Variants in TIPIN observed in about 807,000 individuals in gnomAD.
TIPIN encodes TIMELESS-interacting protein.
A neutral mutation model predicts 35.6 loss-of-function variants in TIPIN; 29 were observed. The ratio of observed to expected loss-of-function variants is 0.82; its 90% CI spans 0.61 to 1.11. TIPIN has a LOEUF of 1.11. Ranked by LOEUF, TIPIN falls within the 50% of genes most tolerant of loss-of-function variation. The pLI, the probability that TIPIN is intolerant of heterozygous loss-of-function variation, is 0.00. For synonymous variants in TIPIN, 102 were observed against 121.5 expected (o/e 0.84, Z 1.06); for missense variants, 296 against 345.4 (o/e 0.86, Z 1.13).
intron 1 of TIPIN, among the ~76,000 whole-genome samples, chr15:66,385,210 C>G (rs1434320251): frequency 6.6e-6 from 1 of 152,206 alleles, no homozygotes; most frequent in Non-Finnish European, 1.5e-5. Flanking sequence ...GACTGCCTCC[C>G]AGGTGTTCAA....
At chr15:66,352,038 A>C (rs902483705) in intron 3 of TIPIN, 91 bp downstream of exon 3, 1 of 1,115,474 alleles carries the variant, frequency 9.0e-7, no homozygotes, top group Admixed American at 2.9e-5. Flanking sequence ...AGAGCTCCAC[A>C]TCATACCAAC....
Position 66,349,087 on chromosome 15 carries a change from A to G in TIPIN, c.448T>C (p.Leu150=). ...LKRIRLDLPI[L]HEDFVSNNDE... is the part of the protein sequence containing the mutation. ...TTATTGCTAACAAAATCTTCATGTAAAATAGGGAGATCAAGTCGAATTCGT... is the reference window on the plus strand; with the variant it reads ...TTATTGCTAACAAAATCTTCATGTAGAATAGGGAGATCAAGTCGAATTCGT... The change falls in exon 6 of 8, where the codon TTA becomes CTA. Residue 150 remains leucine, a synonymous_variant. Transcript: ENST00000261881. 6.2e-7 allele frequency: 1 copy of G among 1,610,538 alleles called. No individual in the cohort carries two copies. The highest frequency in any genetic ancestry group is 8.5e-7 in the Non-Finnish European group (1 of 1,178,362).
At position 66,374,658 on chromosome 15, in the gene TIPIN, C is replaced by T. The variant is rs149090685; in HGVS notation, c.-9+11949G>A. Among the ~76,000 whole-genome samples the T allele has an allele frequency of 5.9e-5, 9 of 152,306 alleles. No homozygotes were observed. In the South Asian group the frequency reaches 1.9e-3, roughly 32 times the overall value. On this transcript the variant is annotated intron_variant, in intron 1 of 7. Transcript: ENST00000562124. ...GCAATGGTGCCGTCTCGGATCACCG[C>T]AACCTCTACCTCCCAGGTTCAAGCG...
At chr15:66,348,642 C>T (rs763635200) in intron 6 of TIPIN, among the ~76,000 whole-genome samples, 5 of 148,600 alleles carry the variant, frequency 3.4e-5, no homozygotes, top group African/African-American at 9.9e-5. Flanking sequence ...TGTAGTGAGC[C>T]GAGATCATGC....
intron 7 of TIPIN, among the ~76,000 whole-genome samples, chr15:66,340,171 CTTTTTTTTTTT>C (rs1213707475): frequency 5.7e-5 from 4 of 69,568 alleles, no homozygotes; most frequent in East Asian, 4.4e-4. Context: ...TGCGCCTGGC[CTTTTTTTTTTT>C]TTTTTTTTTT....
upstream of TIPIN, among the ~76,000 whole-genome samples, chr15:66,361,002 C>A (rs2093228600): frequency 6.6e-6 from 1 of 151,864 alleles, no homozygotes; most frequent in Non-Finnish European, 1.5e-5. Flanking sequence ...CATAGTGGCA[C>A]ACACCTGTAA....
chr15:66,341,915 G>A (rs1275802051), intron 6 of TIPIN, among the ~76,000 whole-genome samples: 1 of 152,168 alleles, frequency 6.6e-6, no homozygotes, highest in Non-Finnish European at 1.5e-5. Context: ...GCCGGGCGCG[G>A]TGGCTCACGC....
In TIPIN at chr15:66,336,810, A is replaced by G. The variant is rs2093047601; in HGVS notation, c.*148T>C. The G allele has an allele frequency of 1.6e-6, 1 of 634,682 alleles. No homozygotes were observed. The highest frequency in any genetic ancestry group is 1.8e-5 in the African/African-American group (1 of 54,812). The allele number at this position is 634,682 out of a possible 1,614,324, so 39.3% of individuals were successfully genotyped here. On this transcript the variant is annotated 3_prime_UTR_variant, in exon 8 of 8. Transcript: ENST00000261881. ...TTTAACTAAAGTGACAAGCATAATTATAAATAAATACCAGATTATCAGATT... is the reference window on the plus strand; with the variant it reads ...TTTAACTAAAGTGACAAGCATAATTGTAAATAAATACCAGATTATCAGATT...
At chr15:66,376,927 G>A (rs2093298899) in intron 1 of TIPIN, among the ~76,000 whole-genome samples, 5 of 151,328 alleles carry the variant, frequency 3.3e-5, no homozygotes, top group Admixed American at 3.3e-4. Flanking sequence ...TGGCCAAAAT[G>A]GTGAAACCCC....
intron 1 of TIPIN, among the ~76,000 whole-genome samples, chr15:66,365,610 G>A (rs376458823): frequency 1.4e-4 from 22 of 152,214 alleles, no homozygotes; most frequent in African/African-American, 4.8e-4. Flanking sequence ...GCAGTGGCAC[G>A]ATCTCGGCTC....
chr15:66,350,207 G>A (rs974219847), intron 4 of TIPIN, among the ~76,000 whole-genome samples: 26 of 151,794 alleles, frequency 1.7e-4, no homozygotes, highest in Middle Eastern at 3.4e-3. Flanking sequence ...CAAGTGATCC[G>A]CCCACCCTGG....
At chr15:66,381,791 C>T (rs1359290694) in intron 1 of TIPIN, among the ~76,000 whole-genome samples, 3 of 152,166 alleles carry the variant, frequency 2.0e-5, no homozygotes, top group South Asian at 2.1e-4. Flanking sequence ...TGGCCGGGCA[C>T]GGTGGCTCAC....
chr15:66,378,250 C>G (rs1051374068), intron 1 of TIPIN, among the ~76,000 whole-genome samples: 1 of 152,144 alleles, frequency 6.6e-6, no homozygotes, highest in Non-Finnish European at 1.5e-5. Flanking sequence ...ATCCGCCCAC[C>G]TAGGCTTCCC....
intron 1 of TIPIN, among the ~76,000 whole-genome samples, chr15:66,373,094 G>T (rs1332215378): frequency 6.6e-6 from 1 of 152,168 alleles, no homozygotes; most frequent in Non-Finnish European, 1.5e-5. Context: ...CTAGGTTTGT[G>T]TAAGTATACT....
chr15:66,352,290 A>G (rs1360352698), intron 2 of TIPIN, 83 bp from the exon 3 acceptor site: 2 of 1,098,870 alleles, frequency 1.8e-6, no homozygotes, highest in East Asian at 2.7e-5. Flanking sequence ...AGCTGATAAG[A>G]TAACTAAACA....
chr15:66,366,038 G>T (rs548354525), intron 1 of TIPIN, among the ~76,000 whole-genome samples: 4 of 152,014 alleles, frequency 2.6e-5, no homozygotes, highest in Non-Finnish European at 5.9e-5. Flanking sequence ...CTACCCAAAA[G>T]AAATATACTG....
chr15:66,337,325 T>C (rs2093051596), intron 7 of TIPIN, 144 bp from the exon 8 acceptor site: 5 of 544,342 alleles, frequency 9.2e-6, no homozygotes, highest in South Asian at 8.2e-5. Flanking sequence ...CTTCTAAATA[T>C]ATCTTTTTTT....
At chr15:66,345,543 T>G (rs2093119018) in intron 6 of TIPIN, among the ~76,000 whole-genome samples, 1 of 152,068 alleles carries the variant, frequency 6.6e-6, no homozygotes, top group South Asian at 2.1e-4. Context: ...GATGAAACCC[T>G]GTCTCTACTA....
intron 6 of TIPIN, among the ~76,000 whole-genome samples, chr15:66,341,848 T>G (rs1303737427): frequency 2.0e-5 from 3 of 151,996 alleles, no homozygotes; most frequent in Admixed American, 2.0e-4. Context: ...TATTTATAAA[T>G]CAGTTTAAAG....
Sources: allele counts gnomAD v4.1 joint callset (sites outside exome capture counted in the v4.1 genomes callset), GRCh38; gene constraint gnomAD v4.1.1; transcripts MANE v1.5; gene names NCBI Gene and HGNC (gene_info 2026-07-23, HGNC 2026-07-21).